Variants in NLRP3 observed in about 807,000 individuals in gnomAD.
NLRP3 encodes NACHT, LRR and PYD domains-containing protein 3.
Under a neutral mutation model 91.3 loss-of-function variants are expected in NLRP3, and 48 were observed. That is an observed-to-expected ratio of 0.53 (90% CI 0.42 to 0.67). NLRP3 has a LOEUF of 0.67. Ranked by LOEUF, NLRP3 falls within the 30% of genes least tolerant of loss-of-function variation. The probability of loss-of-function intolerance (pLI) is 0.00; values close to 1 mark genes in which losing one functional copy is unlikely to be tolerated. For synonymous variants in NLRP3, 561 were observed against 507.9 expected (o/e 1.10, Z -1.41); for missense variants, 982 against 1,276.9 (o/e 0.77, Z 3.52).
Position 247,425,920 on chromosome 1 carries a change from A to G in NLRP3, c.2150+321A>G, listed in dbSNP as rs1662842852. ...TTTCTTGTAAGCTACTTGGAGCACT[A>G]GTGCCTAAGAGTCAGTCAATGTCTG... On this transcript the variant is annotated intron_variant, in intron 4 of 9. Transcript: ENST00000336119. This position sits in a 1 kb window ranked among gnomAD's most constrained non-coding sequence, Gnocchi z 4.1. 1 of 377,238 alleles carries G rather than the reference A, an allele frequency of 2.7e-6. No homozygotes were observed. The allele number at this position is 377,238 out of a possible 1,614,324, so 23.4% of individuals were successfully genotyped here.
intron 7 of NLRP3, among the ~76,000 whole-genome samples, chr1:247,443,480 A>C (rs1664370734): frequency 6.6e-6 from 1 of 151,946 alleles, no homozygotes; most frequent in Admixed American, 6.5e-5. Flanking sequence ...AGAAGGTCAC[A>C]ATGGACGTTC....
intron 9 of NLRP3, 150 bp downstream of exon 9, chr1:247,444,971 A>G (rs1664498051): frequency 4.0e-6 from 3 of 746,554 alleles, no homozygotes; most frequent in South Asian, 1.7e-5. Flanking sequence ...ATTTTAAAAT[A>G]GAGAATATGG....
At chr1:247,438,415 ACT>A (rs1663957332) in intron 7 of NLRP3, among the ~76,000 whole-genome samples, 1 of 99,794 alleles carries the variant, frequency 1.0e-5, no homozygotes, top group African/African-American at 4.0e-5. Flanking sequence ...TTGGAGTCTT[ACT>A]CTGTCACCCA....
At chr1:247,435,040 T>G (rs1489638508) in intron 6 of NLRP3, among the ~76,000 whole-genome samples, 2 of 151,998 alleles carry the variant, frequency 1.3e-5, no homozygotes, top group African/African-American at 2.4e-5. Flanking sequence ...TCACTGGAGG[T>G]CGGGAGTTCG....
Position 247,436,157 on chromosome 1 carries a change from G to A in NLRP3, c.2663+17G>A, listed in dbSNP as rs1177229751. 1.9e-6 allele frequency: 3 copies of A among 1,613,396 alleles called. No individual in the cohort carries two copies. Among genetic ancestry groups the A allele is most frequent in the African/African-American group, 1.3e-5 (1 of 74,910 alleles). ...GAAACTGGGGTAAGTCTTCATGGGT[G>A]TCTTACCAGAAAAGTAACTTCTTTT... is the stretch of plus-strand genomic sequence containing the variant. On this transcript the variant is annotated intron_variant, in intron 7 of 9. Transcript: ENST00000336119.
chr1:247,420,374 G>A (rs994509112), intron 2 of NLRP3, among the ~76,000 whole-genome samples: 6 of 151,618 alleles, frequency 4.0e-5, no homozygotes, highest in African/African-American at 1.5e-4. Flanking sequence ...CTTTTCATTT[G>A]GTTAACTGTG....
chr1:247,428,602 G>A (rs528224173), intron 4 of NLRP3, among the ~76,000 whole-genome samples: 1 of 152,016 alleles, frequency 6.6e-6, no homozygotes, highest in Non-Finnish European at 1.5e-5. Flanking sequence ...CCTCTCTACA[G>A]AAAAACAAAA....
Position 247,444,734 on chromosome 1 carries a change from G to A in NLRP3, c.2918G>A (p.Ser973Asn). Residue 973 changes from serine to asparagine, a missense_variant, in exon 9 of 10, where the codon AGC becomes AAC. This residue lies in a region of NLRP3 where 373 missense variants were observed against 431.5 expected (regional missense o/e 0.86). Transcript: ENST00000336119. Reference protein sequence around the residue: ...LTSSQSLRKLSLGNNDLGDLG... With the variant: ...LTSSQSLRKLNLGNNDLGDLG... ...TCCAGCCAGAGCCTGCGAAAGCTGAGCCTGGGCAACAATGACCTGGGCGAC... is the reference window on the plus strand; with the variant it reads ...TCCAGCCAGAGCCTGCGAAAGCTGAACCTGGGCAACAATGACCTGGGCGAC... 6.2e-7 allele frequency: 1 copy of A among 1,614,148 alleles called. No individual in the cohort carries two copies. Among genetic ancestry groups the A allele is most frequent in the Non-Finnish European group, 8.5e-7 (1 of 1,180,022 alleles).
At position 247,444,116 on chromosome 1, in the gene NLRP3, C is replaced by A. The variant is rs757652727; in HGVS notation, c.2808C>A (p.His936Gln). Reference sequence around the variant, plus strand: ...AACTACTCTGTGAGGGACTCTTGCACCCCGACTGCAAGCTTCAGGTGTTGG... The same window carrying A: ...AACTACTCTGTGAGGGACTCTTGCAACCCGACTGCAAGCTTCAGGTGTTGG... ...GIKLLCEGLL[H>Q]PDCKLQVLEL... The change falls in exon 8 of 10, where the codon CAC (histidine) becomes CAA (glutamine). Residue 936 changes from histidine (H) to glutamine (Q), a missense_variant. By Grantham distance (24) the His-to-Gln change is conservative. Around this residue, in one of 5 missense-constraint regions of NLRP3, gnomAD observed 373 missense variants for 431.5 expected, o/e 0.86. Coordinates refer to ENST00000336119, the MANE Select transcript of NLRP3 (RefSeq NM_001243133.2). The A allele has an allele frequency of 6.2e-7, 1 of 1,614,164 alleles. No homozygotes were observed. Among genetic ancestry groups the A allele is most frequent in the Non-Finnish European group, 8.5e-7 (1 of 1,180,034 alleles).
intron 6 of NLRP3, among the ~76,000 whole-genome samples, chr1:247,435,477 A>G (rs1663716583): frequency 6.6e-6 from 1 of 152,222 alleles, no homozygotes; most frequent in Non-Finnish European, 1.5e-5. Flanking sequence ...CGAAAGGGCA[A>G]ATACTCTGAT....
chr1:247,434,377 TG>T, intron 6 of NLRP3, 104 bp downstream of exon 6: 1 of 1,248,698 alleles, frequency 8.0e-7, no homozygotes, highest in Non-Finnish European at 1.2e-6. Flanking sequence ...AGAATGGCCT[TG>T]GCGGCTCGGG....
At chr1:247,420,068 C>T (rs1227897730) in intron 2 of NLRP3, among the ~76,000 whole-genome samples, 1 of 152,152 alleles carries the variant, frequency 6.6e-6, no homozygotes, top group Non-Finnish European at 1.5e-5. Flanking sequence ...CCTAAGAACA[C>T]GTTATTTTTA....
chr1:247,448,146 C>T (rs971938121), intron 9 of NLRP3, among the ~76,000 whole-genome samples: 1 of 151,836 alleles, frequency 6.6e-6, no homozygotes, highest in Admixed American at 6.6e-5. Context: ...ACGAAGGACA[C>T]GACGAGCACC....
At chr1:247,423,809 G>A (rs781767686) in intron 3 of NLRP3, 38 bp from the exon 4 acceptor site, 1 of 1,580,152 alleles carries the variant, frequency 6.3e-7, no homozygotes, top group Admixed American at 1.7e-5. Flanking sequence ...AGGTGGATGT[G>A]TGTATACTTT....
At chr1:247,446,525 C>A (rs1664595395) in intron 9 of NLRP3, among the ~76,000 whole-genome samples, 1 of 151,128 alleles carries the variant, frequency 6.6e-6, no homozygotes, top group South Asian at 2.1e-4. Context: ...TGCAAGAACA[C>A]TGTCATCTCT....
At chr1:247,435,558 G>A (rs1350411769) in intron 6 of NLRP3, among the ~76,000 whole-genome samples, 1 of 152,166 alleles carries the variant, frequency 6.6e-6, no homozygotes, top group African/African-American at 2.4e-5. Flanking sequence ...CAGGCAATGG[G>A]AGGGCGGAGA....
intron 7 of NLRP3, among the ~76,000 whole-genome samples, chr1:247,441,193 T>TC (rs66774877): frequency 0.2 from 12,672 of 64,010 alleles, 733 homozygotes; most frequent in Non-Finnish European, 0.25. Flanking sequence ...TCCCTTCCCC[T>TC]CCCCCCCCCC....
chr1:247,434,203 C>T lies in NLRP3; in HGVS notation c.2422C>T (p.Leu808Phe). The stretch of plus-strand genomic sequence containing the variant: ...GGAGCTGGACCTGAGTGACAACGCC[C>T]TCGGTGACTTCGGAATCAGACTTCT... Reference protein sequence around the residue: ...LVELDLSDNALGDFGIRLLCV... With the variant: ...LVELDLSDNAFGDFGIRLLCV... The change falls in exon 6 of 10, where the codon CTC becomes TTC. Residue 808 changes from leucine to phenylalanine, a missense_variant. This residue lies in a region of NLRP3 where 373 missense variants were observed against 431.5 expected (regional missense o/e 0.86). Transcript: ENST00000336119. 1 of 1,614,256 alleles carries T rather than the reference C, an allele frequency of 6.2e-7. No individual in the cohort carries two copies. The highest frequency in any genetic ancestry group is 2.2e-5 in the East Asian group (1 of 44,890).
chr1:247,435,946 G>A (rs1385561592), intron 6 of NLRP3, 24 bp from the exon 7 acceptor site: 7 of 1,612,500 alleles, frequency 4.3e-6, no homozygotes, highest in East Asian at 2.2e-5. Context: ...AGACATGACT[G>A]ACATTCTGCC....
Sources: gnomAD v4.1 joint callset for allele counts (sites outside exome capture counted in the v4.1 genomes callset) on GRCh38, gnomAD v4.1.1 for gene constraint, gnomAD v4.1.1 regional missense constraint, Gnocchi (gnomAD v3.1) non-coding constraint, MANE v1.5 for transcripts, NCBI Gene and HGNC (gene_info 2026-07-23, HGNC 2026-07-21) for gene names.